The following NDOR1 variants were observed in gnomAD, a reference collection of about 807,000 sequenced individuals.
NDOR1 encodes NADPH-dependent diflavin oxidoreductase 1.
Under a neutral mutation model 67.2 loss-of-function variants are expected in NDOR1, and 61 were observed. The ratio of observed to expected loss-of-function variants is 0.91; its 90% confidence interval spans 0.74 to 1.12. NDOR1 has a LOEUF of 1.12. Ranked by LOEUF, NDOR1 falls within the 50% of genes most tolerant of loss-of-function variation. The pLI, the probability that NDOR1 is intolerant of heterozygous loss-of-function variation, is 0.00. For missense variants in NDOR1, 878 were observed against 802.8 expected (o/e 1.09, Z -1.13); for synonymous variants, 378 against 343.7 (o/e 1.10, Z -1.10).
At position 137,219,189 on chromosome 9, in the gene NDOR1, G is replaced by T. The variant is rs1046972255; in HGVS notation, c.*2773G>T. On this transcript the variant is annotated 3_prime_UTR_variant, in exon 14 of 14. Coordinates refer to ENST00000684003, the MANE Select transcript of NDOR1 (RefSeq NM_014434.4). The stretch of plus-strand genomic sequence containing the variant: ...TCAGGCCCAGACCAGGTGGGGGTTG[G>T]CGCTGGCCTGTGTTGCAGGGGACAA... 3 of 152,380 alleles carry T rather than the reference G, an allele frequency of 2.0e-5. No individual in the cohort carries two copies. The highest frequency in any genetic ancestry group is 7.2e-5 in the African/African-American group (3 of 41,460). The allele number at this position is 152,380 out of a possible 1,614,324, so 9.4% of individuals were successfully genotyped here.
At chr9:137,207,204 A>G (rs1835009924) in intron 2 of NDOR1, among the ~76,000 whole-genome samples, 1 of 152,054 alleles carries the variant, frequency 6.6e-6, no homozygotes, top group Non-Finnish European at 1.5e-5. Flanking sequence ...GATGCACAGG[A>G]CAGGCAGCAG....
In NDOR1 at chr9:137,216,083, C is replaced by G. The variant is rs753320040; in HGVS notation, c.1555-11C>G. ...CCGGCTCAGCCCCCAGCCCTGTTCT[C>G]TGCCCTACAGGAGCAGAAAGTATAT... On this transcript the variant is annotated splice_polypyrimidine_tract_variant and intron_variant, in intron 12 of 13. Coordinates refer to ENST00000684003, the MANE Select transcript of NDOR1 (RefSeq NM_014434.4). The G allele has an allele frequency of 6.2e-7, 1 of 1,613,330 alleles. No individual in the cohort carries two copies. Among genetic ancestry groups the G allele is most frequent in the African/African-American group, 1.3e-5 (1 of 74,930 alleles).
rs1458891844 is a variant in NDOR1, at chr9:137,214,396, C to T, written c.705C>T (p.Ile235=). ...FQDVRLIEFD[I]LGSGISFAAG... ...ACGTTCGGCTGATTGAGTTTGACAT[C>T]TTGGGCTCTGGCATCAGGTGGGGAC... The change falls in exon 6 of 14, where the codon ATC becomes ATT. Residue 235 remains isoleucine (I), a synonymous_variant. Transcript: ENST00000684003. 11 of 1,614,026 alleles carry T rather than the reference C, an allele frequency of 6.8e-6. No individual in the cohort carries two copies. Among genetic ancestry groups the T allele is most frequent in the African/African-American group, 5.3e-5 (4 of 74,920 alleles).
intron 11 of NDOR1, 31 bp from the exon 12 acceptor site, chr9:137,215,868 C>G: frequency 6.2e-7 from 1 of 1,612,378 alleles, no homozygotes; most frequent in Non-Finnish European, 8.5e-7. Context: ...CCTCAAGGAC[C>G]TGTGGCCAAG....
In NDOR1 at chr9:137,214,822, C is replaced by T; in HGVS notation, c.869C>T (p.Pro290Leu). The stretch of plus-strand genomic sequence containing the variant: ...GATGTCTCCTCCCCCACGAGGCTGC[C>T]CCAGCCCTGCTCCATGCGGCACCTC... Reference protein sequence around the residue: ...EPDVSSPTRLPQPCSMRHLVS... With the variant: ...EPDVSSPTRLLQPCSMRHLVS... Residue 290 changes from proline to leucine, a missense_variant, in exon 8 of 14, where the codon CCC (proline) becomes CTC (leucine). Coordinates refer to ENST00000684003, the MANE Select transcript of NDOR1 (RefSeq NM_014434.4). 2.5e-6 allele frequency: 4 copies of T among 1,606,940 alleles called. No individual in the cohort carries two copies. Among genetic ancestry groups the T allele is most frequent in the African/African-American group, 1.3e-5 (1 of 75,054 alleles).
At chr9:137,206,426 T>C in intron 2 of NDOR1, 117 bp downstream of exon 2, 1 of 1,113,060 alleles carries the variant, frequency 9.0e-7, no homozygotes, top group Non-Finnish European at 1.4e-6. Context: ...CCTTCAGAGG[T>C]GGATTTGAGA....
chr9:137,207,556 C>T (rs533505495), intron 2 of NDOR1, among the ~76,000 whole-genome samples: 1 of 152,196 alleles, frequency 6.6e-6, no homozygotes, highest in African/African-American at 2.4e-5. Flanking sequence ...CCCCACAGGA[C>T]AGGCTGCCCA....
Position 137,214,244 on chromosome 9 carries a change from C to T in NDOR1, c.553C>T (p.Pro185Ser). ...KFTLLFLQEA[P>S]STGSEGQRVA... ...CACCCTGCTGTTCCTCCAAGAGGCACCCAGCACGGGCTCTGAGGGGCAGCG... is the reference window on the plus strand; with the variant it reads ...CACCCTGCTGTTCCTCCAAGAGGCATCCAGCACGGGCTCTGAGGGGCAGCG... The change falls in exon 6 of 14, where the codon CCC (proline) becomes TCC (serine). Residue 185 changes from proline to serine, a missense_variant. Pro to Ser is a moderately conservative substitution (Grantham distance 74). Transcript: ENST00000684003. 2 of 1,613,156 alleles carry T rather than the reference C, an allele frequency of 1.2e-6. No individual in the cohort carries two copies. The highest frequency in any genetic ancestry group is 2.2e-5 in the East Asian group (1 of 44,870).
chr9:137,216,088 C>T lies in NDOR1; in HGVS notation c.1555-6C>T. On this transcript the variant is annotated splice_region_variant and splice_polypyrimidine_tract_variant and intron_variant, in intron 12 of 13. Coordinates refer to ENST00000684003, the MANE Select transcript of NDOR1 (RefSeq NM_014434.4). ...TCAGCCCCCAGCCCTGTTCTCTGCC[C>T]TACAGGAGCAGAAAGTATATGTGCA... 6.2e-7 allele frequency: 1 copy of T among 1,613,462 alleles called. No homozygotes were observed. Among genetic ancestry groups the T allele is most frequent in the Non-Finnish European group, 8.5e-7 (1 of 1,179,998 alleles).
chr9:137,216,148 G>A lies in NDOR1; in HGVS notation c.1609G>A (p.Glu537Lys), dbSNP rs1020253873. 3 of 1,613,610 alleles carry A rather than the reference G, an allele frequency of 1.9e-6. No individual in the cohort carries two copies. Among genetic ancestry groups the A allele is most frequent in the African/African-American group, 2.7e-5 (2 of 75,068 alleles). Residue 537 changes from glutamate (E) to lysine (K), a missense_variant, in exon 13 of 14, where the codon GAA (glutamate) becomes AAA (lysine). By Grantham distance (56) the Glu-to-Lys change is moderately conservative. Transcript: ENST00000684003. ...CCGGGAGCTGGGGTCGCTTGTGTGG[G>A]AACTGCTGGACCGCCAGGGTGCATA... ...RLRELGSLVWELLDRQGAYFY... is the reference protein window; with the variant it reads ...RLRELGSLVWKLLDRQGAYFY...
chr9:137,208,002 C>T (rs2131364245), intron 2 of NDOR1, among the ~76,000 whole-genome samples: 1 of 151,750 alleles, frequency 6.6e-6, no homozygotes, highest in South Asian at 2.1e-4. Flanking sequence ...ATTAGCTGGG[C>T]ACGGCGCAGT....
intron 10 of NDOR1, 55 bp from the exon 11 acceptor site, chr9:137,215,604 A>G (rs1835530641): frequency 1.9e-6 from 3 of 1,602,896 alleles, no homozygotes; most frequent in South Asian, 2.2e-5. Flanking sequence ...CTAGGGCCCC[A>G]GCAGACTCAG....
chr9:137,214,650 T>C lies in NDOR1; in HGVS notation c.803T>C (p.Leu268Pro). 6.2e-7 allele frequency: 1 copy of C among 1,607,884 alleles called. No homozygotes were observed. The highest frequency in any genetic ancestry group is 8.5e-7 in the Non-Finnish European group (1 of 1,179,912). The change falls in exon 7 of 14, where the codon CTG becomes CCG. Residue 268 changes from leucine to proline, a missense_variant. By Grantham distance (98) the Leu-to-Pro change is moderately conservative. Coordinates refer to ENST00000684003, the MANE Select transcript of NDOR1 (RefSeq NM_014434.4). ...CAGCGGTTCTGCCAGGTGCTGGGCC[T>C]GGACCCTGACCAGCTCTTCATGCTG... ...HVQRFCQVLG[L>P]DPDQLFMLQP... is the part of the protein sequence containing the mutation.
chr9:137,212,097 C>T lies in NDOR1; in HGVS notation c.214-405C>T, dbSNP rs1835289187. 6.6e-6 allele frequency among the ~76,000 whole-genome samples: 1 copy of T among 152,074 alleles called. No homozygotes were observed. Among genetic ancestry groups the T allele is most frequent in the Non-Finnish European group, 1.5e-5 (1 of 68,002 alleles). ...ACAGACCAACTCAGGGAGTGGAGGC[C>T]CACGCTCTGGCTGGGAAATGACAGG... On this transcript the variant is annotated intron_variant, in intron 2 of 13. Coordinates refer to ENST00000684003, the MANE Select transcript of NDOR1 (RefSeq NM_014434.4). The surrounding 1 kb of genome is among the most constrained non-coding windows in gnomAD (Gnocchi z 4.3).
chr9:137,207,968 C>T (rs550035299), intron 2 of NDOR1, among the ~76,000 whole-genome samples: 1 of 147,988 alleles, frequency 6.8e-6, no homozygotes, highest in Non-Finnish European at 1.5e-5. Flanking sequence ...CATGGTGAAA[C>T]CCGTCTCTAC....
At chr9:137,208,048 G>A (rs996254847) in intron 2 of NDOR1, among the ~76,000 whole-genome samples, 13 of 151,768 alleles carry the variant, frequency 8.6e-5, no homozygotes, top group Non-Finnish European at 1.0e-4. Flanking sequence ...TCGGGAGGCT[G>A]AGGCAGGAGA....
chr9:137,217,839 C>T lies in NDOR1; in HGVS notation c.*1423C>T, dbSNP rs1474080142. The T allele has an allele frequency of 7.5e-6, 3 of 397,976 alleles. No homozygotes were observed. The highest frequency in any genetic ancestry group is 1.3e-5 in the Non-Finnish European group (3 of 226,400). The allele number at this position is 397,976 out of a possible 1,614,324, so 24.7% of individuals were successfully genotyped here. The stretch of plus-strand genomic sequence containing the variant: ...CCTGGGGCCCCCACCCTCCACCTGG[C>T]CGACTCCAGCTCTGGGCCTGTCAGT... On this transcript the variant is annotated 3_prime_UTR_variant, in exon 14 of 14. Coordinates refer to ENST00000684003, the MANE Select transcript of NDOR1 (RefSeq NM_014434.4).
chr9:137,213,727 G>C, intron 3 of NDOR1, 53 bp from the exon 4 acceptor site: 1 of 1,562,106 alleles, frequency 6.4e-7, no homozygotes, highest in Non-Finnish European at 8.7e-7. Flanking sequence ...CTCTGCCTGG[G>C]CACCACTCTC....
chr9:137,210,906 C>T lies in NDOR1; in HGVS notation c.214-1596C>T, dbSNP rs547083218. Among the ~76,000 whole-genome samples the T allele has an allele frequency of 4.6e-5, 7 of 152,178 alleles. No homozygotes were observed. The East Asian group carries it at 9.7e-4, about 21-fold the overall frequency. On this transcript the variant is annotated intron_variant, in intron 2 of 13. Coordinates refer to ENST00000684003, the MANE Select transcript of NDOR1 (RefSeq NM_014434.4). Reference sequence around the variant, plus strand: ...CTGTAATACCAACACTTTGGGAGGCCGAGGTGGGTGGGTCACTTGAGGTTA... The same window carrying T: ...CTGTAATACCAACACTTTGGGAGGCTGAGGTGGGTGGGTCACTTGAGGTTA...
Sources: gnomAD v4.1 joint callset for allele counts (sites outside exome capture counted in the v4.1 genomes callset) on GRCh38, gnomAD v4.1.1 for gene constraint, Gnocchi (gnomAD v3.1) non-coding constraint, MANE v1.5 for transcripts, NCBI Gene and HGNC (gene_info 2026-07-23, HGNC 2026-07-21) for gene names.